ZNF789: variants seen among roughly 807,000 people sequenced by gnomAD.
The protein encoded by ZNF789 is zinc finger protein 789.
In ZNF789, 11 loss-of-function variants were observed where a neutral mutation model predicts 15.6. The observed-to-expected ratio is 0.70, with a 90% CI of 0.44 to 1.16. ZNF789 has a LOEUF of 1.16. ZNF789 is among the 50% of genes most tolerant of loss of function. The pLI, the probability that ZNF789 is intolerant of heterozygous loss-of-function variation, is 0.00. For missense variants in ZNF789, 461 were observed against 512.6 expected, an observed-to-expected ratio of 0.90 and a Z score of 0.97; for synonymous variants, 159 against 176.0, an observed-to-expected ratio of 0.90 and a Z score of 0.76.
rs1800012459 is a variant in ZNF789 at position 99,487,174 on chromosome 7, T to C, written c.964T>C (p.Phe322Leu). ...TAAATGCCTTGAGTGTGGAAAAGCC[T>C]TTGGCCGGCATTCAACCCTTCTATG... ...RHKCLECGKA[F>L]GRHSTLLCHQ... Residue 322 changes from phenylalanine to leucine, a missense_variant, in exon 5 of 5, where the codon TTT (phenylalanine) becomes CTT (leucine). Phe to Leu is a conservative substitution (Grantham distance 22). Transcript: ENST00000331410. 3 of 1,614,108 alleles carry C rather than the reference T, an allele frequency of 1.9e-6. No homozygotes were observed. The East Asian group carries it at 6.7e-5, about 36-fold the overall frequency.
At chr7:99,478,442 C>A in intron 2 of ZNF789, 1 of 1,138,856 alleles carries the variant, frequency 8.8e-7, no homozygotes, top group Non-Finnish European at 1.2e-6. Context: ...GGTTCTGGTG[C>A]CTGCCTGCAG....
At chr7:99,482,129 A>G (rs368006508) in intron 3 of ZNF789, 14 of 779,708 alleles carry the variant, frequency 1.8e-5, no homozygotes, top group African/African-American at 3.4e-5. Context: ...TCTTCAAGCT[A>G]CGCTTGATTT....
chr7:99,482,621 A>G (rs10244158), intron 3 of ZNF789, among the ~76,000 whole-genome samples: 56,449 of 151,336 alleles, frequency 0.37, 16,775 homozygotes, highest in African/African-American at 0.82. Context: ...GAGGGAGGTC[A>G]AGGTGGGCGG....
At chr7:99,473,769 C>T (rs1390791842) in intron 1 of ZNF789, among the ~76,000 whole-genome samples, 1 of 152,156 alleles carries the variant, frequency 6.6e-6, no homozygotes, top group Non-Finnish European at 1.5e-5. Context: ...TACAGGCACG[C>T]GCCACCATGC....
chr7:99,480,965 A>G (rs770388659), intron 3 of ZNF789: 6 of 152,276 alleles, frequency 3.9e-5, no homozygotes, highest in Non-Finnish European at 8.8e-5. Flanking sequence ...TTACAGGAGC[A>G]TACATAAGTA....
At chr7:99,482,846 ACT>A (rs1186439075) in intron 3 of ZNF789, among the ~76,000 whole-genome samples, 2 of 151,578 alleles carry the variant, frequency 1.3e-5, no homozygotes, top group African/African-American at 2.4e-5. Context: ...CAAGAGCAAA[ACT>A]CTGTCTCAAA....
intron 3 of ZNF789, 26 bp from the exon 4 acceptor site, chr7:99,484,004 C>T (rs773597070): frequency 1.3e-6 from 2 of 1,596,728 alleles, no homozygotes; most frequent in Non-Finnish European, 8.6e-7. Context: ...CTAACGGCCA[C>T]ATCCCATTTA....
chr7:99,486,579 G>C lies in ZNF789; in HGVS notation c.369G>C (p.Glu123Asp), dbSNP rs374780053. The C allele has an allele frequency of 6.8e-6, 11 of 1,614,204 alleles. No individual in the cohort carries two copies. Among genetic ancestry groups the C allele is most frequent in the South Asian group, 2.2e-5 (2 of 91,088 alleles). The change falls in exon 5 of 5, where the codon GAG becomes GAC. Residue 123 changes from glutamate to aspartate, a missense_variant. Glu to Asp is a conservative substitution (Grantham distance 45). Transcript: ENST00000331410. ...KISVVMQESA[E>D]KLSEKLHKCK... is the part of the protein sequence containing the mutation. ...CAGTGGTAATGCAGGAATCAGCTGA[G>C]AAACTTTCAGAAAAGTTACATAAGT... is the stretch of plus-strand genomic sequence containing the variant.
chr7:99,476,854 A>G (rs1799363401), intron 2 of ZNF789, among the ~76,000 whole-genome samples: 1 of 152,210 alleles, frequency 6.6e-6, no homozygotes. Context: ...CTACTGCTGT[A>G]CACTCCAGGT....
At chr7:99,480,809 G>C (rs1364191712) in intron 3 of ZNF789, 1 of 152,214 alleles carries the variant, frequency 6.6e-6, no homozygotes, top group East Asian at 1.9e-4. Context: ...CTCCCACTGT[G>C]GGAGTTGCCT....
At chr7:99,483,778 C>T (rs185532336) in intron 3 of ZNF789, 561 of 780,984 alleles carry the variant, frequency 7.2e-4, no homozygotes, top group Non-Finnish European at 1.1e-3. Flanking sequence ...CTGTGCTGAA[C>T]GTCTCTGGCA....
In ZNF789 at chr7:99,478,463, C is replaced by T. The variant is rs940483762; in HGVS notation, c.25-1198C>T. ...GGTGCCTGCCTGCAGAGGGGAGCTA[C>T]GTGAAGCTTCTCAGGATGGTCTCAG... On this transcript the variant is annotated intron_variant, in intron 2 of 4. Transcript: ENST00000331410. 2.3e-5 allele frequency: 21 copies of T among 894,936 alleles called. No individual in the cohort carries two copies. The Admixed American group carries it at 3.3e-4, about 14-fold the overall frequency. 55.4% of individuals were successfully genotyped at this position (894,936 alleles called of 1,614,324 possible). A position where few individuals can be genotyped will look rare whatever the true frequency, so the allele number is the denominator to read the frequency against.
rs1424945161 is a variant in ZNF789, at chr7:99,486,514, A to G, written c.304A>G (p.Lys102Glu). 1 of 1,613,158 alleles carries G rather than the reference A, an allele frequency of 6.2e-7. No individual in the cohort carries two copies. The highest frequency in any genetic ancestry group is 8.5e-7 in the Non-Finnish European group (1 of 1,179,724). The change falls in exon 5 of 5, where the codon AAA (lysine) becomes GAA (glutamate). Residue 102 changes from lysine (K) to glutamate (E), a missense_variant. Coordinates refer to ENST00000331410, the MANE Select transcript of ZNF789 (RefSeq NM_213603.3). Reference sequence around the variant, plus strand: ...ACACAAGATGAAAAAGCTAACTCCAAAACAGAAATTTTCTGAAGATTTAGA... The same window carrying G: ...ACACAAGATGAAAAAGCTAACTCCAGAACAGAAATTTTCTGAAGATTTAGA... ...ARHKMKKLTPKQKFSEDLESY... is the reference protein window; with the variant it reads ...ARHKMKKLTPEQKFSEDLESY...
In ZNF789 at chr7:99,479,798, G is replaced by A. The variant is rs922557209; in HGVS notation, c.151+11G>A. On this transcript the variant is annotated intron_variant, in intron 3 of 4. Transcript: ENST00000331410. ...ACATGGTCTTGCTGGGTAGGACACG[G>A]CTTGAAGATTGGGCTTTGTCTGTGT... 22 of 1,610,938 alleles carry A rather than the reference G, an allele frequency of 1.4e-5. No individual in the cohort carries two copies. The highest frequency in any genetic ancestry group is 1.8e-5 in the Non-Finnish European group (21 of 1,178,452).
At chr7:99,485,002 T>C (rs1438262514) in intron 4 of ZNF789, among the ~76,000 whole-genome samples, 1 of 152,122 alleles carries the variant, frequency 6.6e-6, no homozygotes, top group East Asian at 1.9e-4. Flanking sequence ...CTCTCTCTCC[T>C]GCAGGAAAAA....
At chr7:99,485,448 G>A in intron 4 of ZNF789, 3 of 592,946 alleles carry the variant, frequency 5.1e-6, no homozygotes. Flanking sequence ...TATTCAGTTG[G>A]CTTTTGTCCC....
intron 3 of ZNF789, chr7:99,481,897 A>C: frequency 2.3e-6 from 1 of 431,056 alleles, no homozygotes; most frequent in Non-Finnish European, 4.2e-6. Context: ...ACTTTCCAGA[A>C]GTAACTCTTG....
chr7:99,477,184 A>C (rs1198270435), intron 2 of ZNF789, among the ~76,000 whole-genome samples: 1 of 152,128 alleles, frequency 6.6e-6, no homozygotes, highest in Non-Finnish European at 1.5e-5. Context: ...CTGGGACTAC[A>C]GGCGAGTGCC....
At chr7:99,474,333 G>A (rs1444151271) in intron 1 of ZNF789, among the ~76,000 whole-genome samples, 1 of 152,140 alleles carries the variant, frequency 6.6e-6, no homozygotes, top group Non-Finnish European at 1.5e-5. Context: ...GGTGGCTCAC[G>A]CCTGTAATCC....
Sources: gnomAD v4.1 joint callset for allele counts (sites outside exome capture counted in the v4.1 genomes callset) on GRCh38, gnomAD v4.1.1 for gene constraint, MANE v1.5 for transcripts, NCBI Gene and HGNC (gene_info 2026-07-23, HGNC 2026-07-21) for gene names.